The following ZBTB20 variants were observed in gnomAD, a reference collection of about 807,000 sequenced individuals.
The protein encoded by ZBTB20 is zinc finger and BTB domain containing 20.
A neutral mutation model predicts 56.9 loss-of-function variants in ZBTB20; 9 were observed. The ratio of observed to expected loss-of-function variants is 0.16; its 90% CI spans 0.10 to 0.28. ZBTB20 has a LOEUF of 0.28. Among genes scored for constraint, ZBTB20 ranks in the 10% least tolerant of loss-of-function variants. The probability of loss-of-function intolerance (pLI) is 1.00; values close to 1 mark genes in which losing one functional copy is unlikely to be tolerated. For missense variants in ZBTB20, 655 were observed against 1,003.0 expected (o/e 0.65, Z 4.69); for synonymous variants, 417 against 420.7 (o/e 0.99, Z 0.11).
At chr3:114,471,932 G>C (rs1219001551) in intron 7 of ZBTB20, among the ~76,000 whole-genome samples, 1 of 152,180 alleles carries the variant, frequency 6.6e-6, no homozygotes, top group Non-Finnish European at 1.5e-5. Flanking sequence ...GCTGCAGTTT[G>C]AATGGGGAAA....
intron 7 of ZBTB20, among the ~76,000 whole-genome samples, chr3:114,432,506 A>T (rs539065254): frequency 6.6e-6 from 1 of 152,322 alleles, no homozygotes; most frequent in South Asian, 2.1e-4. Flanking sequence ...TGCCACAGCC[A>T]AAAAGCAGGT....
At chr3:114,660,681 C>G (rs190388599) in intron 6 of ZBTB20, among the ~76,000 whole-genome samples, 1 of 152,170 alleles carries the variant, frequency 6.6e-6, no homozygotes, top group Admixed American at 6.5e-5. Context: ...TGGATAACAG[C>G]CTTTCAAAAA....
At chr3:114,698,584 C>A (rs1248497026) in intron 5 of ZBTB20, among the ~76,000 whole-genome samples, 1 of 152,050 alleles carries the variant, frequency 6.6e-6, no homozygotes, top group African/African-American at 2.4e-5. Flanking sequence ...TGAGAACAAC[C>A]ACTAAGGTGA....
At position 114,575,577 on chromosome 3, in the gene ZBTB20, C is replaced by G. The variant is rs537837123; in HGVS notation, c.-294-75186G>C. Among the ~76,000 whole-genome samples the G allele has an allele frequency of 2.8e-5, 4 of 141,584 alleles. No individual in the cohort carries two copies. In the South Asian group the frequency reaches 9.1e-4, roughly 32 times the overall value. 92.9% of individuals were successfully genotyped at this position (141,584 alleles called of 152,430 possible). A position where few individuals can be genotyped will look rare whatever the true frequency, so the allele number is the denominator to read the frequency against. On this transcript the variant is annotated intron_variant, in intron 6 of 11. Transcript: ENST00000675478. Reference sequence around the variant, plus strand: ...TGACTATAGTTAGGGATTTGAAGAACTACCTTTAAAAAATAAAAAAAAAAA... The same window carrying G: ...TGACTATAGTTAGGGATTTGAAGAAGTACCTTTAAAAAATAAAAAAAAAAA...
chr3:114,754,880 T>C (rs1157298195), intron 5 of ZBTB20, among the ~76,000 whole-genome samples: 1 of 152,198 alleles, frequency 6.6e-6, no homozygotes, highest in African/African-American at 2.4e-5. Context: ...TTAGTGTTAA[T>C]ACAGTATAAT....
At chr3:114,832,360 G>A (rs1343314466) in intron 4 of ZBTB20, among the ~76,000 whole-genome samples, 2 of 151,860 alleles carry the variant, frequency 1.3e-5, no homozygotes, top group African/African-American at 4.8e-5. Context: ...AGAACATTTA[G>A]CTAATTTTAT....
chr3:114,723,987 G>A (rs904075388), intron 5 of ZBTB20, among the ~76,000 whole-genome samples: 45 of 151,588 alleles, frequency 3.0e-4, no homozygotes, highest in African/African-American at 9.9e-4. Context: ...TCCTTCCTCA[G>A]CCTCCCGAGT....
chr3:114,469,010 CA>C (rs1164804884), intron 7 of ZBTB20, among the ~76,000 whole-genome samples: 6,129 of 67,054 alleles, frequency 0.091, 126 homozygotes, highest in African/African-American at 0.16. Context: ...TCAAGAGAAG[CA>C]AAAAAAAAAA....
chr3:115,088,506 A>T (rs1029342631), intron 1 of ZBTB20, among the ~76,000 whole-genome samples: 9 of 151,900 alleles, frequency 5.9e-5, no homozygotes, highest in African/African-American at 2.2e-4. Context: ...CAAAATCATG[A>T]TTATTTTCAC....
intron 2 of ZBTB20, among the ~76,000 whole-genome samples, chr3:115,017,867 CAT>C (rs756973855): frequency 6.6e-6 from 1 of 151,450 alleles, no homozygotes; most frequent in Non-Finnish European, 1.5e-5. Context: ...ATATACAACA[CAT>C]ATGCACATAC....
At chr3:115,145,608 C>T (rs2084940269) in intron 1 of ZBTB20, among the ~76,000 whole-genome samples, 1 of 152,152 alleles carries the variant, frequency 6.6e-6, no homozygotes, top group African/African-American at 2.4e-5. Context: ...TTCCCCCACA[C>T]CCAAAATATT....
chr3:114,879,675 T>C (rs558744075), intron 4 of ZBTB20, among the ~76,000 whole-genome samples: 145 of 152,316 alleles, frequency 9.5e-4, no homozygotes, highest in African/African-American at 3.4e-3. Flanking sequence ...ATCTTCCTTA[T>C]TTATACGGAT....
chr3:114,352,328 A>G (rs1206132453), intron 10 of ZBTB20, among the ~76,000 whole-genome samples: 1 of 152,214 alleles, frequency 6.6e-6, no homozygotes, highest in Non-Finnish European at 1.5e-5. Context: ...TCTTTGGGAA[A>G]GTTTACATTT....
At chr3:115,103,281 T>C (rs2083633980) in intron 1 of ZBTB20, among the ~76,000 whole-genome samples, 1 of 152,212 alleles carries the variant, frequency 6.6e-6, no homozygotes. Context: ...TGTCCCAAAT[T>C]GATCTATAGA....
intron 6 of ZBTB20, among the ~76,000 whole-genome samples, chr3:114,640,073 T>C (rs1370223886): frequency 6.6e-6 from 1 of 152,026 alleles, no homozygotes; most frequent in Non-Finnish European, 1.5e-5. Flanking sequence ...TGGTCAGTTA[T>C]AAAAATAATT....
intron 2 of ZBTB20, among the ~76,000 whole-genome samples, chr3:115,026,015 G>T (rs1258881363): frequency 6.6e-6 from 1 of 150,968 alleles, no homozygotes; most frequent in Non-Finnish European, 1.5e-5. Flanking sequence ...ATGGATTAAA[G>T]CTTGGATTAA....
intron 7 of ZBTB20, among the ~76,000 whole-genome samples, chr3:114,462,582 C>T (rs531203916): frequency 6.6e-6 from 1 of 152,200 alleles, no homozygotes; most frequent in African/African-American, 2.4e-5. Context: ...CCAGGGAGCT[C>T]GCTCAACAAT....
intron 5 of ZBTB20, among the ~76,000 whole-genome samples, chr3:114,753,878 T>A (rs2067796504): frequency 6.6e-6 from 1 of 152,148 alleles, no homozygotes; most frequent in South Asian, 2.1e-4. Flanking sequence ...AATAAATATA[T>A]GTCGAAAAGA....
chr3:114,992,982 C>T (rs1438754041), intron 2 of ZBTB20, among the ~76,000 whole-genome samples: 1 of 151,792 alleles, frequency 6.6e-6, no homozygotes, highest in Non-Finnish European at 1.5e-5. Context: ...TTTGGAAGGA[C>T]CCAAGGCACT....
Sources: allele counts gnomAD v4.1 joint callset (sites outside exome capture counted in the v4.1 genomes callset), GRCh38; gene constraint gnomAD v4.1.1; transcripts MANE v1.5; gene names NCBI Gene and HGNC (gene_info 2026-07-23, HGNC 2026-07-21).